The following SAV1 variants were observed in gnomAD, a reference collection of about 807,000 sequenced individuals.
SAV1 encodes the protein salvador family WW domain containing protein 1, also known as protein salvador homolog 1.
Under a neutral mutation model 47.3 loss-of-function variants are expected in SAV1, and 23 were observed. The observed-to-expected ratio is 0.49, with a 90% CI of 0.35 to 0.69. The LOEUF (loss-of-function observed/expected upper bound fraction) is 0.69. Among genes scored for constraint, SAV1 ranks in the 30% least tolerant of loss-of-function variants. The pLI is 0.01. For missense variants in SAV1, 448 were observed against 457.4 expected (o/e 0.98, Z 0.19); for synonymous variants, 155 against 159.2 (o/e 0.97, Z 0.20).
intron 2 of SAV1, among the ~76,000 whole-genome samples, chr14:50,651,055 T>C (rs72681610): frequency 0.26 from 11,994 of 45,646 alleles, 656 homozygotes; most frequent in Middle Eastern, 0.33. Context: ...AAATGGATCT[T>C]TCAGCCAGAG....
chr14:50,657,357 T>A (rs910514419), intron 2 of SAV1, among the ~76,000 whole-genome samples: 1 of 152,174 alleles, frequency 6.6e-6, no homozygotes, highest in African/African-American at 2.4e-5. Context: ...GTGTATTCTA[T>A]CCCCAGCTCT....
chr14:50,648,035 A>G (rs552708612), intron 2 of SAV1, among the ~76,000 whole-genome samples: 1 of 152,366 alleles, frequency 6.6e-6, no homozygotes, highest in East Asian at 1.9e-4. Flanking sequence ...CAAAGTGGAA[A>G]TGACACACAT....
rs756682475 is a variant in SAV1, at chr14:50,644,816, G to A, written c.734C>T (p.Ser245Leu). ...GLPPGWERVE[S>L]SEFGTYYVDH... is the part of the protein sequence containing the mutation. ...TACATAATAGGTTCCAAATTCGGAT[G>A]ACTCAACTCGTTCCCATCCAGGAGG... Residue 245 changes from serine to leucine, a missense_variant, in exon 3 of 5, where the codon TCA becomes TTA. Physicochemically the swap from Ser to Leu is moderately radical, Grantham distance 145 (BLOSUM62 -2). Transcript: ENST00000324679. 18 of 1,613,976 alleles carry A rather than the reference G, an allele frequency of 1.1e-5. No individual in the cohort carries two copies. The highest frequency in any genetic ancestry group is 1.4e-5 in the Non-Finnish European group (17 of 1,179,984).
intron 3 of SAV1, among the ~76,000 whole-genome samples, chr14:50,641,319 T>C (rs975640665): frequency 1.3e-5 from 2 of 152,136 alleles, no homozygotes; most frequent in Non-Finnish European, 2.9e-5. Flanking sequence ...CAGATAACTT[T>C]TCAACTTTTA....
At chr14:50,657,985 A>G (rs1450034394) in intron 2 of SAV1, among the ~76,000 whole-genome samples, 5 of 152,238 alleles carry the variant, frequency 3.3e-5, no homozygotes, top group Non-Finnish European at 7.3e-5. Flanking sequence ...AAATGGATCT[A>G]GAGCTCTAAC....
Position 50,635,253 on chromosome 14 carries a change from A to G in SAV1, c.1082T>C (p.Leu361Pro). ...CTTTCGGTTTTCCAACTCTGTAAGA[A>G]GGGCTTGTCTGTATGCTTCATACAT... Reference protein sequence around the residue: ...VKMYEAYRQALLTELENRKQR... With the variant: ...VKMYEAYRQAPLTELENRKQR... Residue 361 changes from leucine (L) to proline (P), a missense_variant, in exon 5 of 5, where the codon CTT becomes CCT. By Grantham distance (98) the Leu-to-Pro change is moderately conservative. Coordinates refer to ENST00000324679, the MANE Select transcript of SAV1 (RefSeq NM_021818.4). The G allele has an allele frequency of 6.2e-7, 1 of 1,614,190 alleles. No homozygotes were observed.
intron 2 of SAV1, among the ~76,000 whole-genome samples, chr14:50,663,389 A>G (rs2039875957): frequency 6.6e-6 from 1 of 152,230 alleles, no homozygotes; most frequent in African/African-American, 2.4e-5. Context: ...TTAGATAACA[A>G]ATTATTCCTG....
intron 2 of SAV1, among the ~76,000 whole-genome samples, chr14:50,653,298 G>A (rs1216766246): frequency 6.6e-6 from 1 of 152,166 alleles, no homozygotes; most frequent in Non-Finnish European, 1.5e-5. Context: ...TTTTGTAGGT[G>A]GCTAGGGTAT....
At chr14:50,653,077 C>T (rs1223591867) in intron 2 of SAV1, among the ~76,000 whole-genome samples, 1 of 151,554 alleles carries the variant, frequency 6.6e-6, no homozygotes, top group Admixed American at 6.6e-5. Context: ...GTACAATCTA[C>T]AAAACATTCT....
Position 50,635,376 on chromosome 14 carries a change from T to A in SAV1, c.959A>T (p.His320Leu). ...CTGGAAGAGTTCCCACTTCAGAATG[T>A]GGTCATATCTGTTTTAAAACACAAT... ...VYARAPVKYD[H>L]ILKWELFQLA... is the part of the protein sequence containing the mutation. Residue 320 changes from histidine (H) to leucine (L), a missense_variant, in exon 5 of 5, where the codon CAC (histidine) becomes CTC (leucine). Coordinates refer to ENST00000324679, the MANE Select transcript of SAV1 (RefSeq NM_021818.4). 6.2e-7 allele frequency: 1 copy of A among 1,613,684 alleles called. No individual in the cohort carries two copies. Among genetic ancestry groups the A allele is most frequent in the Non-Finnish European group, 8.5e-7 (1 of 1,179,586 alleles).
At chr14:50,643,712 G>T (rs2140250905) in intron 3 of SAV1, among the ~76,000 whole-genome samples, 1 of 152,190 alleles carries the variant, frequency 6.6e-6, no homozygotes, top group South Asian at 2.1e-4. Context: ...CTCAGTAGTT[G>T]AATAAACACT....
chr14:50,655,287 T>C (rs538566801), intron 2 of SAV1, among the ~76,000 whole-genome samples: 19 of 152,188 alleles, frequency 1.2e-4, no homozygotes, highest in Non-Finnish European at 2.8e-4. Flanking sequence ...AATGTAACAA[T>C]TTTTTCTAAT....
Position 50,655,429 on chromosome 14 carries a change from CTT to C in SAV1, c.535+9748_535+9749del, listed in dbSNP as rs5808563. Among the ~76,000 whole-genome samples the C allele has an allele frequency of 3.8e-3, 509 of 132,676 alleles. 2 individuals carry two copies. Among genetic ancestry groups the C allele is most frequent in the African/African-American group, 0.01 (368 of 35,164 alleles). The allele number at this position is 132,676 out of a possible 152,430, so 87.0% of individuals were successfully genotyped here. ...CTGCATTATTAAAAACAAAAGCTGC[CTT>C]TTTTTTTTTTTTTGAGACAGAGTCT... On this transcript the variant is annotated intron_variant, in intron 2 of 4. Transcript: ENST00000324679.
At chr14:50,654,848 T>C (rs1004145471) in intron 2 of SAV1, among the ~76,000 whole-genome samples, 5 of 152,154 alleles carry the variant, frequency 3.3e-5, no homozygotes, top group Admixed American at 3.3e-4. Flanking sequence ...CACAGACAAA[T>C]CAGTCATTAT....
chr14:50,657,408 G>A (rs968196627), intron 2 of SAV1, among the ~76,000 whole-genome samples: 2 of 152,140 alleles, frequency 1.3e-5, no homozygotes, highest in African/African-American at 4.8e-5. Flanking sequence ...GCTCTAGGAG[G>A]TAGTACTATT....
chr14:50,647,546 A>C (rs1346622684), intron 2 of SAV1, among the ~76,000 whole-genome samples: 2 of 152,154 alleles, frequency 1.3e-5, no homozygotes, highest in African/African-American at 4.8e-5. Context: ...CGGTCTGTGC[A>C]ACAGAGTGAA....
intron 1 of SAV1, 46 bp from the exon 2 acceptor site, chr14:50,665,665 C>G: frequency 6.7e-7 from 1 of 1,484,976 alleles, no homozygotes; most frequent in Non-Finnish European, 9.0e-7. Context: ...CATTAAGTAA[C>G]AAAAGTTTTC....
chr14:50,635,366 C>A lies in SAV1; in HGVS notation c.969G>T (p.Lys323Asn), dbSNP rs778923009. The A allele has an allele frequency of 2.5e-6, 4 of 1,614,032 alleles. No homozygotes were observed. In the South Asian group the frequency reaches 4.4e-5, roughly 18 times the overall value. Residue 323 changes from lysine to asparagine, a missense_variant, in exon 5 of 5, where the codon AAG (lysine) becomes AAT (asparagine). By Grantham distance (94) the Lys-to-Asn change is moderately conservative. Coordinates refer to ENST00000324679, the MANE Select transcript of SAV1 (RefSeq NM_021818.4). ...GGTCAGCCAGCTGGAAGAGTTCCCACTTCAGAATGTGGTCATATCTGTTTT... is the reference window on the plus strand; with the variant it reads ...GGTCAGCCAGCTGGAAGAGTTCCCAATTCAGAATGTGGTCATATCTGTTTT... Reference protein sequence around the residue: ...RAPVKYDHILKWELFQLADLD... With the variant: ...RAPVKYDHILNWELFQLADLD...
At chr14:50,659,918 A>AC (rs1433558419) in intron 2 of SAV1, among the ~76,000 whole-genome samples, 1 of 152,206 alleles carries the variant, frequency 6.6e-6, no homozygotes, top group Non-Finnish European at 1.5e-5. Context: ...AGTTTCCAGA[A>AC]TTTGGACTGG....
Sources: gnomAD v4.1 joint callset for allele counts (sites outside exome capture counted in the v4.1 genomes callset) on GRCh38, gnomAD v4.1.1 for gene constraint, MANE v1.5 for transcripts, NCBI Gene and HGNC (gene_info 2026-07-23, HGNC 2026-07-21) for gene names.